The following ADRA1B variants were observed in gnomAD, a reference collection of about 807,000 sequenced individuals.
The protein encoded by ADRA1B is adrenoceptor alpha 1B.
A neutral mutation model predicts 17.9 loss-of-function variants in ADRA1B; 17 were observed. The ratio of observed to expected loss-of-function variants is 0.95; its 90% CI spans 0.65 to 1.42. ADRA1B has a LOEUF of 1.42. Ranked by LOEUF, ADRA1B falls within the 40% of genes most tolerant of loss-of-function variation. The pLI, the probability that ADRA1B is intolerant of heterozygous loss-of-function variation, is 0.00. For missense variants in ADRA1B, 681 were observed against 722.1 expected (o/e 0.94, Z 0.65); for synonymous variants, 366 against 327.6 (o/e 1.12, Z -1.27).
At chr5:159,980,629 A>G in the ADRA1B span, among the ~76,000 whole-genome samples, 1 of 152,098 alleles carries the variant, frequency 6.6e-6, no homozygotes, top group Non-Finnish European at 1.5e-5. Context: ...CCGTTTCCTG[A>G]TTGGTAAGAC....
At chr5:159,948,401 A>G (rs11742073) in intron 1 of ADRA1B, 140,745 of 985,354 alleles carry the variant, frequency 0.14, 10,628 homozygotes, top group Non-Finnish European at 0.15. Flanking sequence ...AACCTTCACA[A>G]AAATGATGAT....
At chr5:159,933,516 C>T (rs903457847) in intron 1 of ADRA1B, among the ~76,000 whole-genome samples, 1 of 152,208 alleles carries the variant, frequency 6.6e-6, no homozygotes, top group East Asian at 1.9e-4. Context: ...CAGGCATCTA[C>T]GTTGACTTCC....
chr5:159,971,855 T>TGGGGGGGGGGGGGGGGGGGGGGG, intron 1 of ADRA1B, 24 bp from the exon 2 acceptor site: 1 of 435,068 alleles, frequency 2.3e-6, no homozygotes, highest in Non-Finnish European at 3.6e-6. Flanking sequence ...TTTCTGCCCG[T>TGGGGGGGGGGGGGGGGGGGGGGG]GCCCACCCCC....
intron 1 of ADRA1B, among the ~76,000 whole-genome samples, chr5:159,906,588 T>G (rs1319581820): frequency 6.6e-6 from 1 of 152,222 alleles, no homozygotes; most frequent in Non-Finnish European, 1.5e-5. Flanking sequence ...TAGATGACTT[T>G]TATTCCCTGT....
At chr5:159,948,564 A>G in intron 1 of ADRA1B, 1 of 725,472 alleles carries the variant, frequency 1.4e-6, no homozygotes, top group South Asian at 6.1e-5. Context: ...AAAAGATAGT[A>G]AAAAGCCACC....
At chr5:159,877,701 A>G (rs1406129597) in intron 1 of ADRA1B, among the ~76,000 whole-genome samples, 1 of 152,132 alleles carries the variant, frequency 6.6e-6, no homozygotes, top group Non-Finnish European at 1.5e-5. Context: ...TCTCAGCCCC[A>G]TAAGGTAGGT....
At chr5:159,883,935 C>T (rs1380249617) in intron 1 of ADRA1B, among the ~76,000 whole-genome samples, 1 of 152,134 alleles carries the variant, frequency 6.6e-6, no homozygotes, top group East Asian at 1.9e-4. Flanking sequence ...GCAATAGGCT[C>T]ATATATACCC....
At chr5:159,926,616 G>A (rs1754659167) in intron 1 of ADRA1B, among the ~76,000 whole-genome samples, 1 of 152,162 alleles carries the variant, frequency 6.6e-6, no homozygotes, top group Admixed American at 6.5e-5. Flanking sequence ...GCCAGCCATG[G>A]TGGCTCAAAC....
At chr5:159,950,572 AG>A (rs1374162811) in intron 1 of ADRA1B, 1 of 1,339,650 alleles carries the variant, frequency 7.5e-7, no homozygotes, top group African/African-American at 1.4e-5. Flanking sequence ...CCAGGAAATG[AG>A]CTTGACAAAA....
Position 159,945,760 on chromosome 5 carries a change from T to G in ADRA1B, c.950-26119T>G, listed in dbSNP as rs555295065. Among the ~76,000 whole-genome samples, 520 of 151,426 alleles carry G rather than the reference T, an allele frequency of 3.4e-3. 2 individuals are homozygous for G. The highest frequency in any genetic ancestry group is 8.5e-3 in the East Asian group (44 of 5,162). On this transcript the variant is annotated intron_variant, in intron 1 of 1. Transcript: ENST00000306675. The stretch of plus-strand genomic sequence containing the variant: ...GGTTTTTTTGTTTGTTTGTTTTTTT[T>G]TTTTTGAGACGGAGTCTTGCTCTGT...
intron 1 of ADRA1B, among the ~76,000 whole-genome samples, chr5:159,899,569 C>G (rs781320555): frequency 1.3e-5 from 2 of 152,186 alleles, no homozygotes; most frequent in Non-Finnish European, 2.9e-5. Context: ...TATGCCCATA[C>G]TGACAGTGCT....
intron 1 of ADRA1B, among the ~76,000 whole-genome samples, chr5:159,907,743 C>G (rs961525898): frequency 6.6e-6 from 1 of 152,092 alleles, no homozygotes; most frequent in Non-Finnish European, 1.5e-5. Flanking sequence ...ATTAAAATCC[C>G]CATTTTACAG....
At chr5:159,915,788 A>G (rs2113141414), upstream of ADRA1B, among the ~76,000 whole-genome samples, 1 of 152,188 alleles carries the variant, frequency 6.6e-6, no homozygotes, top group East Asian at 1.9e-4. Context: ...CTGTCATCAC[A>G]TTACACACCT....
chr5:159,963,147 C>CA (rs1561609983), intron 1 of ADRA1B, among the ~76,000 whole-genome samples: 2 of 150,370 alleles, frequency 1.3e-5, no homozygotes, highest in Non-Finnish European at 3.0e-5. Context: ...TGGAAAACAC[C>CA]AAAAAGCACA....
chr5:159,896,988 T>G (rs1754047552), intron 1 of ADRA1B, among the ~76,000 whole-genome samples: 1 of 152,204 alleles, frequency 6.6e-6, no homozygotes, highest in African/African-American at 2.4e-5. Flanking sequence ...AAAAATAGCC[T>G]GCATATCTTT....
intron 1 of ADRA1B, among the ~76,000 whole-genome samples, chr5:159,880,058 A>G (rs535943923): frequency 6.6e-6 from 1 of 152,356 alleles, no homozygotes; most frequent in African/African-American, 2.4e-5. Context: ...GAAGAGATGC[A>G]TTCCTCATAC....
intron 1 of ADRA1B, among the ~76,000 whole-genome samples, chr5:159,874,036 A>G (rs1753777532): frequency 6.6e-6 from 1 of 152,216 alleles, no homozygotes; most frequent in African/African-American, 2.4e-5. Flanking sequence ...ATACTGGAAC[A>G]GAAACACAAC....
At chr5:159,941,640 T>TGAA (rs1755129645) in intron 1 of ADRA1B, among the ~76,000 whole-genome samples, 2 of 152,182 alleles carry the variant, frequency 1.3e-5, no homozygotes, top group South Asian at 4.1e-4. Context: ...GTCCATCTGC[T>TGAA]GAAGAACAGA....
intron 1 of ADRA1B, among the ~76,000 whole-genome samples, chr5:159,943,016 A>G (rs1002438532): frequency 4.9e-4 from 74 of 152,326 alleles, no homozygotes; most frequent in African/African-American, 1.6e-3. Context: ...GTTCGAGACC[A>G]GTCTGGCCAA....
Sources: allele counts gnomAD v4.1 joint callset (sites outside exome capture counted in the v4.1 genomes callset), GRCh38; gene constraint gnomAD v4.1.1; transcripts MANE v1.5; gene names NCBI Gene and HGNC (gene_info 2026-07-23, HGNC 2026-07-21).